The following RIPOR3 variants were observed in gnomAD, a reference collection of about 807,000 sequenced individuals.
The protein encoded by RIPOR3 is family with sequence similarity 65 member C.
In RIPOR3, 95 loss-of-function variants were observed where a neutral mutation model predicts 114.3. That is an observed-to-expected ratio of 0.83 (90% CI 0.70 to 0.99). RIPOR3 has a LOEUF of 0.99. RIPOR3 is among the 50% of genes least tolerant of loss of function. RIPOR3 has a pLI of 0.00. For synonymous variants in RIPOR3, 575 were observed against 543.8 expected, an observed-to-expected ratio of 1.06 and a Z score of -0.80; for missense variants, 1,252 against 1,266.9, an observed-to-expected ratio of 0.99 and a Z score of 0.18.
intron 1 of RIPOR3, among the ~76,000 whole-genome samples, chr20:50,680,405 A>G (rs1181518140): frequency 2.6e-5 from 4 of 152,224 alleles, no homozygotes; most frequent in African/African-American, 9.6e-5. Flanking sequence ...ACTTTGAGTT[A>G]ATCAACAGAA....
intron 1 of RIPOR3, among the ~76,000 whole-genome samples, chr20:50,659,249 C>CGA (rs1408378425): frequency 1.3e-5 from 2 of 152,062 alleles, no homozygotes; most frequent in African/African-American, 2.4e-5. Context: ...GCTTGTTGGC[C>CGA]GATTTCTTGG....
At chr20:50,619,877 C>T (rs2084331586) in intron 3 of RIPOR3, 109 bp downstream of exon 3, 3 of 1,399,240 alleles carry the variant, frequency 2.1e-6, no homozygotes, top group South Asian at 2.8e-5. Context: ...AGGAACTTAA[C>T]CTGTCACCTC....
intron 1 of RIPOR3, among the ~76,000 whole-genome samples, chr20:50,684,077 T>C (rs2123624214): frequency 6.6e-6 from 1 of 151,116 alleles, no homozygotes; most frequent in Non-Finnish European, 1.5e-5. Flanking sequence ...TGAGGCTCCA[T>C]CTCAAAAAAA....
chr20:50,667,286 CTTTTTTTT>C (rs139859156), intron 1 of RIPOR3, among the ~76,000 whole-genome samples: 18 of 67,570 alleles, frequency 2.7e-4, no homozygotes, highest in South Asian at 6.2e-4. Context: ...CTTTAAACTA[CTTTTTTTT>C]TTTTTTTTTT....
chr20:50,689,646 G>A (rs1163995179), intron 1 of RIPOR3, among the ~76,000 whole-genome samples: 2 of 152,180 alleles, frequency 1.3e-5, no homozygotes, highest in African/African-American at 4.8e-5. Context: ...GCTGAGAGAA[G>A]GGAAGTGACT....
intron 16 of RIPOR3, 106 bp downstream of exon 16, chr20:50,595,263 C>T: frequency 2.8e-6 from 4 of 1,443,242 alleles, no homozygotes; most frequent in African/African-American, 1.4e-5. Flanking sequence ...CACTCTGGGC[C>T]CCGATTAACT....
chr20:50,679,666 G>T (rs1428467271), intron 1 of RIPOR3, among the ~76,000 whole-genome samples: 1 of 151,794 alleles, frequency 6.6e-6, no homozygotes, highest in Non-Finnish European at 1.5e-5. Flanking sequence ...CTACTCGGGA[G>T]GCTGAGGCAG....
chr20:50,589,629 A>T (rs1601432353), intron 20 of RIPOR3, 57 bp downstream of exon 20: 5 of 1,564,042 alleles, frequency 3.2e-6, no homozygotes, highest in Admixed American at 1.8e-5. Flanking sequence ...ACTAACCTTA[A>T]CCCTAACCAC....
intron 1 of RIPOR3, among the ~76,000 whole-genome samples, chr20:50,634,893 C>T (rs1039465901): frequency 6.6e-6 from 1 of 152,082 alleles, no homozygotes; most frequent in Non-Finnish European, 1.5e-5. Context: ...ATTAGCCGGG[C>T]GTGGTGGCGC....
chr20:50,684,925 G>A (rs1268285856), intron 1 of RIPOR3, among the ~76,000 whole-genome samples: 1 of 152,180 alleles, frequency 6.6e-6, no homozygotes, highest in Non-Finnish European at 1.5e-5. Flanking sequence ...ACAGGTGCAT[G>A]CAACCACACC....
chr20:50,602,765 C>T lies in RIPOR3; in HGVS notation c.1087-121G>A. On this transcript the variant is annotated intron_variant, in intron 12 of 21. Transcript: ENST00000327979. The surrounding 1 kb of genome is among the most constrained non-coding windows in gnomAD (Gnocchi z 4.3). ...GCCCATGTTCTCAGGATGACTGAGG[C>T]CTGCCGAGGTGACCAGCATCCCAGA... is the stretch of plus-strand genomic sequence containing the variant. 1 of 678,316 alleles carries T rather than the reference C, an allele frequency of 1.5e-6. No homozygotes were observed. Among genetic ancestry groups the T allele is most frequent in the Non-Finnish European group, 2.1e-6 (1 of 470,956 alleles). The allele number at this position is 678,316 out of a possible 1,614,324, so 42.0% of individuals were successfully genotyped here.
intron 1 of RIPOR3, chr20:50,636,705 C>T: frequency 2.0e-6 from 2 of 985,526 alleles, no homozygotes; most frequent in Non-Finnish European, 2.4e-6. Flanking sequence ...GCCAGATGCT[C>T]CCAGACACTG....
At chr20:50,589,468 G>GTAT (rs2083041545) in intron 20 of RIPOR3, among the ~76,000 whole-genome samples, 2 of 152,208 alleles carry the variant, frequency 1.3e-5, no homozygotes, top group African/African-American at 4.8e-5. Context: ...TTGTGTGTGT[G>GTAT]TATTATTAGT....
rs1311111911 is a variant in RIPOR3 at position 50,594,819 on chromosome 20, G to A, written c.2051-105C>T. 1.1e-5 allele frequency: 15 copies of A among 1,345,086 alleles called. No individual in the cohort carries two copies. In the African/African-American group the frequency reaches 1.3e-4, roughly 12 times the overall value. The allele number at this position is 1,345,086 out of a possible 1,614,324, so 83.3% of individuals were successfully genotyped here. A position where few individuals can be genotyped will look rare whatever the true frequency, so the allele number is the denominator to read the frequency against. Reference sequence around the variant, plus strand: ...GGACCTGAGGGGGTAGGGAGGAGGGGACGGTGTGGCTTGATGCGAGGTCCC... The same window carrying A: ...GGACCTGAGGGGGTAGGGAGGAGGGAACGGTGTGGCTTGATGCGAGGTCCC... On this transcript the variant is annotated intron_variant, in intron 16 of 21. Coordinates refer to ENST00000327979, the MANE Select transcript of RIPOR3 (RefSeq NM_001290268.2).
chr20:50,664,919 T>C (rs1258109940), intron 1 of RIPOR3, among the ~76,000 whole-genome samples: 3 of 151,878 alleles, frequency 2.0e-5, no homozygotes, highest in Non-Finnish European at 4.4e-5. Context: ...CTGGCCAACA[T>C]GGCAAAAACT....
chr20:50,619,380 G>A (rs2084307741), intron 3 of RIPOR3, among the ~76,000 whole-genome samples: 1 of 151,248 alleles, frequency 6.6e-6, no homozygotes, highest in African/African-American at 2.4e-5. Context: ...GGCAGAGGTT[G>A]CAGTGAGCTG....
At chr20:50,599,392 C>CA (rs112794822) in intron 13 of RIPOR3, among the ~76,000 whole-genome samples, 4,589 of 140,356 alleles carry the variant, frequency 0.033, 120 homozygotes, top group African/African-American at 0.078. Flanking sequence ...ACTCCGTCTC[C>CA]AAAAAAAAAG....
intron 1 of RIPOR3, chr20:50,645,818 T>A (rs1034416398): frequency 1.3e-5 from 2 of 152,278 alleles, no homozygotes; most frequent in Non-Finnish European, 2.9e-5. Context: ...TGTTTGCTAG[T>A]GGAGGCTGTT....
intron 3 of RIPOR3, among the ~76,000 whole-genome samples, chr20:50,617,164 C>T (rs1465760854): frequency 2.0e-5 from 3 of 152,062 alleles, no homozygotes; most frequent in African/African-American, 7.2e-5. Context: ...TGGGGGGCGT[C>T]TAGATTTGGG....
Sources: gnomAD v4.1 joint callset for allele counts (sites outside exome capture counted in the v4.1 genomes callset) on GRCh38, gnomAD v4.1.1 for gene constraint, Gnocchi (gnomAD v3.1) non-coding constraint, MANE v1.5 for transcripts, NCBI Gene and HGNC (gene_info 2026-07-23, HGNC 2026-07-21) for gene names.